Variants in FLRT2 observed in about 807,000 individuals in gnomAD.
FLRT2 encodes the protein fibronectin leucine rich transmembrane protein 2.
Under a neutral mutation model 40.0 loss-of-function variants are expected in FLRT2, and 15 were observed. That is an observed-to-expected ratio of 0.38 (90% CI 0.25 to 0.58). The LOEUF (loss-of-function observed/expected upper bound fraction) is 0.58. Ranked by LOEUF, FLRT2 falls within the 20% of genes least tolerant of loss-of-function variation. The probability of loss-of-function intolerance (pLI) is 0.71; values close to 1 mark genes in which losing one functional copy is unlikely to be tolerated. For synonymous variants in FLRT2, 380 were observed against 336.8 expected (o/e 1.13, Z -1.41); for missense variants, 726 against 840.0 (o/e 0.86, Z 1.68).
intron 1 of FLRT2, among the ~76,000 whole-genome samples, chr14:85,568,101 G>A (rs1201162753): frequency 6.6e-6 from 1 of 151,958 alleles, no homozygotes; most frequent in Non-Finnish European, 1.5e-5. Context: ...TTCTGCTTGT[G>A]GAGGGTTCCT....
chr14:85,601,796 G>A (rs1892388992), intron 1 of FLRT2, among the ~76,000 whole-genome samples: 1 of 152,146 alleles, frequency 6.6e-6, no homozygotes, highest in African/African-American at 2.4e-5. Context: ...AATTATTACT[G>A]GTAAAGTCAC....
chr14:85,607,186 G>A (rs986609274), intron 1 of FLRT2, among the ~76,000 whole-genome samples: 1 of 152,244 alleles, frequency 6.6e-6, no homozygotes, highest in Middle Eastern at 3.4e-3. Context: ...AGCCATCAGA[G>A]CACCATGTTA....
chr14:85,577,112 G>A (rs1004237077), intron 1 of FLRT2, among the ~76,000 whole-genome samples: 8 of 152,102 alleles, frequency 5.3e-5, no homozygotes, highest in East Asian at 1.9e-4. Context: ...TGCGGTTTTC[G>A]CTTGGGGTTG....
In FLRT2 at chr14:85,636,390, GAAAAAAAAA is replaced by G. The variant is rs35764416; in HGVS notation, c.*12903_*12911del. The G allele has an allele frequency of 8.0e-5, 6 of 75,318 alleles. No homozygotes were observed. The highest frequency in any genetic ancestry group is 1.5e-4 in the African/African-American group (3 of 19,920). 4.7% of individuals were successfully genotyped at this position (75,318 alleles called of 1,614,324 possible). A position where few individuals can be genotyped will look rare whatever the true frequency, so the allele number is the denominator to read the frequency against. On this transcript the variant is annotated 3_prime_UTR_variant, in exon 2 of 2. Coordinates refer to ENST00000330753, the MANE Select transcript of FLRT2 (RefSeq NM_013231.6). ...AAAATCAAAGGTGAAGTCACCTGCAGAAAAAAAAAAAAAAAAAACAAAAAACATTCTTAT... is the reference window on the plus strand; with the variant it reads ...AAAATCAAAGGTGAAGTCACCTGCAGAAAAAAAAACAAAAAACATTCTTAT...
Position 85,567,312 on chromosome 14 carries a change from C to T in FLRT2, c.-377+36778C>T, listed in dbSNP as rs182808731. Reference sequence around the variant, plus strand: ...GAAGCTCCAAAGATACCTGGAATCTCGAAGCTTCCTTCGGCATCTTCCTTT... The same window carrying T: ...GAAGCTCCAAAGATACCTGGAATCTTGAAGCTTCCTTCGGCATCTTCCTTT... On this transcript the variant is annotated intron_variant, in intron 1 of 1. Coordinates refer to ENST00000330753, the MANE Select transcript of FLRT2 (RefSeq NM_013231.6). 7.1e-4 allele frequency among the ~76,000 whole-genome samples: 108 copies of T among 152,212 alleles called. 2 individuals carry two copies. The East Asian group carries it at 0.013, about 19-fold the overall frequency.
rs1348256487 is a variant in FLRT2, at chr14:85,635,714, T to C, written c.*12217T>C. 1 of 152,018 alleles carries C rather than the reference T, an allele frequency of 6.6e-6. No homozygotes were observed. The highest frequency in any genetic ancestry group is 1.9e-4 in the East Asian group (1 of 5,188). 9.4% of individuals were successfully genotyped at this position (152,018 alleles called of 1,614,324 possible). A position where few individuals can be genotyped will look rare whatever the true frequency, so the allele number is the denominator to read the frequency against. On this transcript the variant is annotated 3_prime_UTR_variant, in exon 2 of 2. Coordinates refer to ENST00000330753, the MANE Select transcript of FLRT2 (RefSeq NM_013231.6). ...ACCTTGAACAAACATACAATTATGG[T>C]TTAAAAAAAAGAAAGATGAAAACTT...
intron 1 of FLRT2, among the ~76,000 whole-genome samples, chr14:85,608,657 T>G (rs1018340293): frequency 3.9e-5 from 6 of 152,208 alleles, no homozygotes; most frequent in Non-Finnish European, 7.3e-5. Flanking sequence ...TAATGTTTCT[T>G]AAAGTTTTTG....
chr14:85,572,230 G>A (rs900016507), intron 1 of FLRT2, among the ~76,000 whole-genome samples: 1 of 151,760 alleles, frequency 6.6e-6, no homozygotes, highest in East Asian at 1.9e-4. Context: ...CTCTTTCAAG[G>A]CCAATCTTAA....
intron 1 of FLRT2, among the ~76,000 whole-genome samples, chr14:85,607,831 T>C (rs1892690114): frequency 6.6e-6 from 1 of 152,238 alleles, no homozygotes; most frequent in Non-Finnish European, 1.5e-5. Context: ...TACCACAGAC[T>C]GCACAGACTG....
intron 1 of FLRT2, among the ~76,000 whole-genome samples, chr14:85,597,658 G>A (rs2139327640): frequency 6.6e-6 from 1 of 152,310 alleles, no homozygotes; most frequent in East Asian, 1.9e-4. Flanking sequence ...CCAGGTTCAA[G>A]GGATTCTCCT....
Position 85,652,518 on chromosome 14 carries a change from C to G in FLRT2, c.*29021C>G, listed in dbSNP as rs1165181526. The G allele has an allele frequency of 6.9e-6, 1 of 145,672 alleles. No homozygotes were observed. The highest frequency in any genetic ancestry group is 1.5e-5 in the Non-Finnish European group (1 of 66,748). The allele number at this position is 145,672 out of a possible 1,614,324, so 9.0% of individuals were successfully genotyped here. ...TTATAACGTTCTTCATCTGATTAAA[C>G]AAACAAAAAACCCATCTTTATTTTT... On this transcript the variant is annotated 3_prime_UTR_variant, in exon 2 of 2. Coordinates refer to ENST00000330753, the MANE Select transcript of FLRT2 (RefSeq NM_013231.6).
chr14:85,543,700 G>C (rs530808060), intron 1 of FLRT2, among the ~76,000 whole-genome samples: 1 of 152,148 alleles, frequency 6.6e-6, no homozygotes, highest in South Asian at 2.1e-4. Context: ...TGCCAAACAT[G>C]GTGAGGCATG....
At chr14:85,570,730 C>T (rs969225289) in intron 1 of FLRT2, among the ~76,000 whole-genome samples, 31 of 151,704 alleles carry the variant, frequency 2.0e-4, no homozygotes, top group African/African-American at 4.6e-4. Context: ...TCCAGGCACC[C>T]GCCACCATGC....
At position 85,651,667 on chromosome 14, in the gene FLRT2, C is replaced by G. The variant is rs961530090; in HGVS notation, c.*28170C>G. 2 of 151,956 alleles carry G rather than the reference C, an allele frequency of 1.3e-5. No homozygotes were observed. The highest frequency in any genetic ancestry group is 2.9e-5 in the Non-Finnish European group (2 of 67,932). 9.4% of individuals were successfully genotyped at this position (151,956 alleles called of 1,614,324 possible). On this transcript the variant is annotated 3_prime_UTR_variant, in exon 2 of 2. Transcript: ENST00000330753. ...ATTGTTTTTAATCTGATCATACAGA[C>G]TTTTATTTTGGCTGATATTTTCGTT...
intron 1 of FLRT2, among the ~76,000 whole-genome samples, chr14:85,590,693 C>T (rs1373224773): frequency 6.6e-6 from 1 of 151,980 alleles, no homozygotes; most frequent in Non-Finnish European, 1.5e-5. Context: ...TCTGCCTCCC[C>T]GGTTCAAGCA....
rs34204979 is a variant in FLRT2 at position 85,632,464 on chromosome 14, CA to C, written c.*8986del. The C allele has an allele frequency of 0.38, 40,504 of 105,456 alleles. 5,747 individuals are homozygous for C. The highest frequency in any genetic ancestry group is 0.42 in the Middle Eastern group (92 of 218). The allele number at this position is 105,456 out of a possible 1,614,324, so 6.5% of individuals were successfully genotyped here. A position where few individuals can be genotyped will look rare whatever the true frequency, so the allele number is the denominator to read the frequency against. ...TCCAGCCTGGTGACAGAGTGAGACT[CA>C]AAAAAAAAAAAAAAAAAATCACCTT... On this transcript the variant is annotated 3_prime_UTR_variant, in exon 2 of 2. Coordinates refer to ENST00000330753, the MANE Select transcript of FLRT2 (RefSeq NM_013231.6).
chr14:85,542,859 G>A (rs914057670), intron 1 of FLRT2, among the ~76,000 whole-genome samples: 2 of 152,142 alleles, frequency 1.3e-5, no homozygotes, highest in African/African-American at 4.8e-5. Context: ...TGTGTGCCAG[G>A]CACCATGCTA....
intron 1 of FLRT2, among the ~76,000 whole-genome samples, chr14:85,565,519 T>C (rs903753287): frequency 6.6e-6 from 1 of 152,188 alleles, no homozygotes; most frequent in African/African-American, 2.4e-5. Flanking sequence ...TATTACTACC[T>C]CTCCATTACA....
intron 1 of FLRT2, among the ~76,000 whole-genome samples, chr14:85,564,827 G>C (rs1220933108): frequency 6.6e-6 from 1 of 152,180 alleles, no homozygotes; most frequent in Non-Finnish European, 1.5e-5. Context: ...TAATAGCACT[G>C]ATCTCAAAGG....
Sources: gnomAD v4.1 joint callset for allele counts (sites outside exome capture counted in the v4.1 genomes callset) on GRCh38, gnomAD v4.1.1 for gene constraint, MANE v1.5 for transcripts, NCBI Gene and HGNC (gene_info 2026-07-23, HGNC 2026-07-21) for gene names.